The following RALGAPA2 variants were observed in gnomAD, a reference collection of about 807,000 sequenced individuals.
RALGAPA2 encodes ral GTPase-activating protein subunit alpha-2.
A neutral mutation model predicts 230.4 loss-of-function variants in RALGAPA2; 139 were observed. That is an observed-to-expected ratio of 0.60 (90% CI 0.53 to 0.69). RALGAPA2 has a LOEUF of 0.69. Among genes scored for constraint, RALGAPA2 ranks in the 30% least tolerant of loss-of-function variants. The pLI, the probability that RALGAPA2 is intolerant of heterozygous loss-of-function variation, is 0.00. For missense variants in RALGAPA2, 2,163 were observed against 2,276.0 expected, an observed-to-expected ratio of 0.95 and a Z score of 1.01; for synonymous variants, 847 against 837.8, an observed-to-expected ratio of 1.01 and a Z score of -0.19.
At chr20:20,558,637 G>A (rs1363158490) in intron 23 of RALGAPA2, among the ~76,000 whole-genome samples, 1 of 151,914 alleles carries the variant, frequency 6.6e-6, no homozygotes, top group Admixed American at 6.6e-5. Flanking sequence ...AGGAGGCTGG[G>A]GGCGGTGAGG....
intron 37 of RALGAPA2, among the ~76,000 whole-genome samples, chr20:20,467,735 G>T (rs992488203): frequency 3.3e-5 from 5 of 152,306 alleles, no homozygotes; most frequent in African/African-American, 1.2e-4. Context: ...AGAGTCAAGA[G>T]CTCCTCTTTG....
At chr20:20,602,354 C>A (rs1054691141) in intron 15 of RALGAPA2, among the ~76,000 whole-genome samples, 18 of 152,154 alleles carry the variant, frequency 1.2e-4, no homozygotes, top group Non-Finnish European at 2.4e-4. Flanking sequence ...ACAAATAATA[C>A]AAAATCCTAT....
At chr20:20,526,573 A>G (rs1359006926) in intron 27 of RALGAPA2, among the ~76,000 whole-genome samples, 1 of 152,204 alleles carries the variant, frequency 6.6e-6, no homozygotes, top group African/African-American at 2.4e-5. Context: ...CACTGTGTTA[A>G]TTTACATAAC....
At chr20:20,527,874 G>C (rs2063259586) in intron 27 of RALGAPA2, among the ~76,000 whole-genome samples, 2 of 152,178 alleles carry the variant, frequency 1.3e-5, no homozygotes, top group South Asian at 4.1e-4. Flanking sequence ...CACAGTGGCA[G>C]AGTCACCAGG....
chr20:20,640,943 G>A, intron 5 of RALGAPA2, 65 bp from the exon 6 acceptor site: 1 of 1,387,776 alleles, frequency 7.2e-7, no homozygotes. Flanking sequence ...TTACAATGTA[G>A]CATCGGTCTT....
intron 37 of RALGAPA2, among the ~76,000 whole-genome samples, chr20:20,419,776 G>T (rs940488863): frequency 1.3e-5 from 2 of 152,196 alleles, no homozygotes; most frequent in East Asian, 1.9e-4. Context: ...TCTGCTCAGA[G>T]AACTGGATCT....
chr20:20,712,228 T>G lies in RALGAPA2; in HGVS notation c.106+147A>C. 1.3e-6 allele frequency: 1 copy of G among 766,658 alleles called. No homozygotes were observed. Among genetic ancestry groups the G allele is most frequent in the Non-Finnish European group, 2.0e-6 (1 of 507,298 alleles). The allele number at this position is 766,658 out of a possible 1,614,324, so 47.5% of individuals were successfully genotyped here. A position where few individuals can be genotyped will look rare whatever the true frequency, so the allele number is the denominator to read the frequency against. On this transcript the variant is annotated intron_variant, in intron 1 of 39. Coordinates refer to ENST00000202677, the MANE Select transcript of RALGAPA2 (RefSeq NM_020343.4). This position sits in a 1 kb window ranked among gnomAD's most constrained non-coding sequence, Gnocchi z 5.5. ...CTTTCTGGAAACAAAGCCCCGGGGG[T>G]CCAAGCCCAGATCCAGGGAAGGGGG...
intron 36 of RALGAPA2, among the ~76,000 whole-genome samples, chr20:20,479,168 C>T (rs1245437439): frequency 6.6e-6 from 1 of 152,072 alleles, no homozygotes; most frequent in African/African-American, 2.4e-5. Flanking sequence ...CAAGGAAAAG[C>T]CAGCTCAGAA....
intron 37 of RALGAPA2, among the ~76,000 whole-genome samples, chr20:20,468,262 A>G (rs2061463524): frequency 6.6e-6 from 1 of 152,228 alleles, no homozygotes. Context: ...ATCAAGTAGT[A>G]GAAATCCCCA....
In RALGAPA2 at chr20:20,431,619, T is replaced by C. The variant is rs182171646; in HGVS notation, c.5496-19471A>G. Among the ~76,000 whole-genome samples the C allele has an allele frequency of 7.2e-5, 11 of 152,310 alleles. No homozygotes were observed. The East Asian group carries it at 2.1e-3, about 29-fold the overall frequency. On this transcript the variant is annotated intron_variant, in intron 37 of 39. Transcript: ENST00000202677. ...TCCTTGAGATGGGAGGATGGCCATA[T>C]GCAAAAAAATTAAGCATGGTGACTG...
chr20:20,694,017 T>C (rs1048811983), intron 1 of RALGAPA2, among the ~76,000 whole-genome samples: 2 of 152,044 alleles, frequency 1.3e-5, no homozygotes, highest in African/African-American at 2.4e-5. Context: ...GATGAGAGGA[T>C]GGCTTGAGCC....
intron 1 of RALGAPA2, among the ~76,000 whole-genome samples, chr20:20,695,247 T>A (rs1427637604): frequency 6.6e-6 from 1 of 152,232 alleles, no homozygotes; most frequent in Non-Finnish European, 1.5e-5. Flanking sequence ...ACATACATGG[T>A]ACATAATGCC....
At chr20:20,449,213 A>G (rs1490905575) in intron 37 of RALGAPA2, among the ~76,000 whole-genome samples, 1 of 152,242 alleles carries the variant, frequency 6.6e-6, no homozygotes, top group East Asian at 1.9e-4. Flanking sequence ...GAGCTGGATT[A>G]TAGGGCAACA....
chr20:20,696,940 TGGC>T (rs1243530195), intron 1 of RALGAPA2, among the ~76,000 whole-genome samples: 1 of 152,184 alleles, frequency 6.6e-6, no homozygotes, highest in Non-Finnish European at 1.5e-5. Flanking sequence ...CTCACTGTGT[TGGC>T]CAGGTTGGTC....
chr20:20,489,378 C>T (rs2061993104), intron 36 of RALGAPA2, among the ~76,000 whole-genome samples: 2 of 151,968 alleles, frequency 1.3e-5, no homozygotes, highest in African/African-American at 4.8e-5. Flanking sequence ...TTCGTGTTGC[C>T]AGGTTCAAAT....
intron 1 of RALGAPA2, among the ~76,000 whole-genome samples, chr20:20,703,988 C>T (rs1208691647): frequency 6.6e-6 from 1 of 152,126 alleles, no homozygotes; most frequent in Non-Finnish European, 1.5e-5. Context: ...AAAAACAAAG[C>T]CTTCCAGATA....
At chr20:20,526,164 A>ACCAGG in intron 28 of RALGAPA2, 88 bp downstream of exon 28, 1 of 1,033,710 alleles carries the variant, frequency 9.7e-7, no homozygotes, top group East Asian at 2.7e-5. Flanking sequence ...GTTCTCTAAC[A>ACCAGG]ATTATTTGAA....
At chr20:20,702,435 G>A (rs1275172012) in intron 1 of RALGAPA2, among the ~76,000 whole-genome samples, 1 of 152,218 alleles carries the variant, frequency 6.6e-6, no homozygotes, top group Non-Finnish European at 1.5e-5. Context: ...GAAGGGGAAT[G>A]AAGGAAGGTT....
rs148290373 is a variant in RALGAPA2 at position 20,668,389 on chromosome 20, C to A, written c.270+7847G>T. ...CTGCACTCCAGCCTGAGCAACAGAG[C>A]GAGACTGTGTCTCAAAAAAAGAAAA... On this transcript the variant is annotated intron_variant, in intron 3 of 39. Transcript: ENST00000202677. 2.0e-3 allele frequency among the ~76,000 whole-genome samples: 307 copies of A among 151,940 alleles called. 3 individuals carry two copies. The highest frequency in any genetic ancestry group is 7.1e-3 in the African/African-American group (296 of 41,426).
Sources: allele counts gnomAD v4.1 joint callset (sites outside exome capture counted in the v4.1 genomes callset), GRCh38; gene constraint gnomAD v4.1.1; non-coding constraint Gnocchi (gnomAD v3.1); transcripts MANE v1.5; gene names NCBI Gene and HGNC (gene_info 2026-07-23, HGNC 2026-07-21).